The following SERPINF2 variants were observed in gnomAD, a reference collection of about 807,000 sequenced individuals.
SERPINF2 encodes alpha-2-antiplasmin.
SERPINF2 carries 15 observed loss-of-function variants against 45.0 expected under a neutral mutation model. The ratio of observed to expected loss-of-function variants is 0.33; its 90% CI spans 0.22 to 0.51. The LOEUF is 0.51. SERPINF2 is among the 20% of genes least tolerant of loss of function. The pLI is 0.97. For missense variants in SERPINF2, 518 were observed against 637.4 expected, an observed-to-expected ratio of 0.81 and a Z score of 2.02; for synonymous variants, 283 against 277.9, an observed-to-expected ratio of 1.02 and a Z score of -0.18.
In SERPINF2 at chr17:1,745,522, A is replaced by G; in HGVS notation, c.165+127A>G. 1 of 1,239,104 alleles carries G rather than the reference A, an allele frequency of 8.1e-7. No individual in the cohort carries two copies. Among genetic ancestry groups the G allele is most frequent in the Non-Finnish European group, 1.1e-6 (1 of 870,874 alleles). 76.8% of individuals were successfully genotyped at this position (1,239,104 alleles called of 1,614,324 possible). The stretch of plus-strand genomic sequence containing the variant: ...GGAGTCCAGAGGCCAGAAGGGAGAG[A>G]GGGTGGGGAGGACCGAAGGTGGGCG... On this transcript the variant is annotated intron_variant, in intron 4 of 9. Transcript: ENST00000453066. The surrounding 1 kb of genome is among the most constrained non-coding windows in gnomAD (Gnocchi z 6.2).
chr17:1,745,411 G>A lies in SERPINF2; in HGVS notation c.165+16G>A. ...GGGCAACCAGGTACAACCAGGTGGG[G>A]CTGGGGAAGAGTGGGCGGGGCTAGA... On this transcript the variant is annotated intron_variant, in intron 4 of 9. Coordinates refer to ENST00000453066, the MANE Select transcript of SERPINF2 (RefSeq NM_000934.4). This position sits in a 1 kb window ranked among gnomAD's most constrained non-coding sequence, Gnocchi z 6.2. 1 of 1,611,860 alleles carries A rather than the reference G, an allele frequency of 6.2e-7. No individual in the cohort carries two copies. The highest frequency in any genetic ancestry group is 8.5e-7 in the Non-Finnish European group (1 of 1,179,710).
Position 1,752,061 on chromosome 17 carries a change from C to CT in SERPINF2, c.859-518dup, listed in dbSNP as rs764445183. On this transcript the variant is annotated intron_variant, in intron 8 of 9. Transcript: ENST00000453066. ...ACACTGCTACAATGTTGTTTTTTTT[C>CT]TTTTTTTGAGACGGATTTTTACTCC... 6.6e-5 allele frequency among the ~76,000 whole-genome samples: 9 copies of CT among 136,822 alleles called. 4 individuals are homozygous for CT. The East Asian group carries it at 2.0e-3, about 31-fold the overall frequency. 89.8% of individuals were successfully genotyped at this position (136,822 alleles called of 152,430 possible). A position where few individuals can be genotyped will look rare whatever the true frequency, so the allele number is the denominator to read the frequency against.
Position 1,754,068 on chromosome 17 carries a change from A to T in SERPINF2, c.1064-54A>T, listed in dbSNP as rs1906621237. ...CTCAGACACCCTCCCAAGCAGCTCC[A>T]GGAGCCTGTGAGGCCAAGGGCAGCT... On this transcript the variant is annotated intron_variant, in intron 9 of 9. Coordinates refer to ENST00000453066, the MANE Select transcript of SERPINF2 (RefSeq NM_000934.4). 3.1e-6 allele frequency: 5 copies of T among 1,594,638 alleles called. No homozygotes were observed. The Admixed American group carries it at 8.3e-5, about 27-fold the overall frequency.
chr17:1,743,740 G>C (rs1002342229), intron 1 of SERPINF2, among the ~76,000 whole-genome samples: 2 of 120,064 alleles, frequency 1.7e-5, no homozygotes, highest in African/African-American at 6.6e-5. Flanking sequence ...AAAAAAAAAA[G>C]ACAGGCTAAA....
intron 9 of SERPINF2, among the ~76,000 whole-genome samples, chr17:1,753,752 C>T (rs534923419): frequency 1.8e-4 from 27 of 152,332 alleles, no homozygotes; most frequent in Admixed American, 7.2e-4. Flanking sequence ...TGCTAAGCAG[C>T]TGCTGTATTC....
At chr17:1,744,445 A>G in intron 1 of SERPINF2, 2 of 604,724 alleles carry the variant, frequency 3.3e-6, no homozygotes, top group Non-Finnish European at 4.1e-6. Context: ...GTGAGCCGAG[A>G]TCCTGCCACT....
chr17:1,744,299 CCTGA>C (rs1203985226), intron 1 of SERPINF2, among the ~76,000 whole-genome samples: 4 of 151,782 alleles, frequency 2.6e-5, no homozygotes, highest in Non-Finnish European at 5.9e-5. Flanking sequence ...TTAAGACCAG[CCTGA>C]CTAACACAGA....
chr17:1,745,971 C>T lies in SERPINF2; in HGVS notation c.367+62C>T, dbSNP rs1905783265. ...GGAGGCCAGTAGGAACTCAGTACTC[C>T]AATGGTTCTCCGCGGGCGGTTCCTC... is the stretch of plus-strand genomic sequence containing the variant. On this transcript the variant is annotated intron_variant, in intron 5 of 9. Coordinates refer to ENST00000453066, the MANE Select transcript of SERPINF2 (RefSeq NM_000934.4). This position sits in a 1 kb window ranked among gnomAD's most constrained non-coding sequence, Gnocchi z 6.2. The T allele has an allele frequency of 3.2e-6, 5 of 1,564,240 alleles. No homozygotes were observed. The highest frequency in any genetic ancestry group is 1.7e-5 in the Admixed American group (1 of 59,924).
At chr17:1,747,543 C>A (rs765557830) in intron 7 of SERPINF2, 31 bp downstream of exon 7, 7 of 1,606,220 alleles carry the variant, frequency 4.4e-6, no homozygotes, top group Non-Finnish European at 5.1e-6. Flanking sequence ...GATCCCCCAC[C>A]CTGTAGGCTG....
At position 1,747,491 on chromosome 17, in the gene SERPINF2, C is replaced by G; in HGVS notation, c.694C>G (p.Leu232Val). ...GCCGGAAGACACCGTGTTGCTTCTC[C>G]TCAACGCCATCCACTTCCAGGGTGC... ...GLPEDTVLLL[L>V]NAIHFQGFWR... The change falls in exon 7 of 10, where the codon CTC becomes GTC. Residue 232 changes from leucine (L) to valine (V), a missense_variant. Coordinates refer to ENST00000453066, the MANE Select transcript of SERPINF2 (RefSeq NM_000934.4). 2 of 1,614,070 alleles carry G rather than the reference C, an allele frequency of 1.2e-6. No individual in the cohort carries two copies. The highest frequency in any genetic ancestry group is 2.2e-5 in the South Asian group (2 of 91,064).
intron 8 of SERPINF2, among the ~76,000 whole-genome samples, chr17:1,750,567 C>T (rs1419390008): frequency 6.6e-6 from 1 of 152,104 alleles, no homozygotes; most frequent in Non-Finnish European, 1.5e-5. Flanking sequence ...GGATTATAGG[C>T]AGGAGCCACT....
chr17:1,745,379 T>G lies in SERPINF2; in HGVS notation c.149T>G (p.Leu50Arg), dbSNP rs1402810272. ...GAGCAGGTGTCCCCACTTACCCTCC[T>G]CAAGTTGGGCAACCAGGTACAACCA... ...NQEQVSPLTLLKLGNQEPGGQ... is the reference protein window; with the variant it reads ...NQEQVSPLTLRKLGNQEPGGQ... Residue 50 changes from leucine to arginine, a missense_variant, in exon 4 of 10, where the codon CTC becomes CGC. By Grantham distance (102) the Leu-to-Arg change is moderately radical. Transcript: ENST00000453066. This position sits in a 1 kb window ranked among gnomAD's most constrained non-coding sequence, Gnocchi z 6.2. 4 of 1,604,312 alleles carry G rather than the reference T, an allele frequency of 2.5e-6. No individual in the cohort carries two copies. The highest frequency in any genetic ancestry group is 3.4e-6 in the Non-Finnish European group (4 of 1,177,284).
intron 7 of SERPINF2, among the ~76,000 whole-genome samples, chr17:1,747,974 G>C (rs535342060): frequency 1.3e-5 from 2 of 151,666 alleles, no homozygotes; most frequent in East Asian, 3.9e-4. Flanking sequence ...AGTTGTTCTA[G>C]AGTGAATACC....
At chr17:1,746,628 T>C (rs1948637025) in intron 5 of SERPINF2, among the ~76,000 whole-genome samples, 1 of 152,012 alleles carries the variant, frequency 6.6e-6, no homozygotes, top group Admixed American at 6.6e-5. Flanking sequence ...GGTTTCACCA[T>C]GTTGGCCAGG....
intron 1 of SERPINF2, chr17:1,744,457 C>T (rs889334754): frequency 2.7e-6 from 2 of 728,902 alleles, no homozygotes; most frequent in Non-Finnish European, 1.7e-6. Context: ...CCTGCCACTG[C>T]ACTCCAGCCT....
At chr17:1,742,985 T>C (rs1359233707) in intron 1 of SERPINF2, 77 bp downstream of exon 1, 2 of 985,310 alleles carry the variant, frequency 2.0e-6, no homozygotes, top group Non-Finnish European at 2.4e-6. Context: ...CTGAGGGGTC[T>C]GGGATTTATT....
chr17:1,743,048 G>T, intron 1 of SERPINF2, 140 bp downstream of exon 1: 1 of 985,318 alleles, frequency 1.0e-6, no homozygotes, highest in Non-Finnish European at 1.2e-6. Context: ...ACTGGAGCCT[G>T]TTCTTGGCAA....
Position 1,745,946 on chromosome 17 carries a change from G to C in SERPINF2, c.367+37G>C. Reference sequence around the variant, plus strand: ...CCACTTGTCCAGACCAAGAGAGCTGGGAGGCCAGTAGGAACTCAGTACTCC... The same window carrying C: ...CCACTTGTCCAGACCAAGAGAGCTGCGAGGCCAGTAGGAACTCAGTACTCC... On this transcript the variant is annotated intron_variant, in intron 5 of 9. Transcript: ENST00000453066. This position sits in a 1 kb window ranked among gnomAD's most constrained non-coding sequence, Gnocchi z 6.2. The C allele has an allele frequency of 6.5e-7, 1 of 1,547,944 alleles. No homozygotes were observed.
chr17:1,748,585 T>C lies in SERPINF2; in HGVS notation c.716-13T>C. 6.2e-7 allele frequency: 1 copy of C among 1,612,828 alleles called. No individual in the cohort carries two copies. Among genetic ancestry groups the C allele is most frequent in the Non-Finnish European group, 8.5e-7 (1 of 1,180,002 alleles). On this transcript the variant is annotated splice_polypyrimidine_tract_variant and intron_variant, in intron 7 of 9. Coordinates refer to ENST00000453066, the MANE Select transcript of SERPINF2 (RefSeq NM_000934.4). Reference sequence around the variant, plus strand: ...CCCCGTCGACGTGACCCCTGCCCTCTGCTGGGTTTCAGGTTTCTGGAGGAA... The same window carrying C: ...CCCCGTCGACGTGACCCCTGCCCTCCGCTGGGTTTCAGGTTTCTGGAGGAA...
Sources: gnomAD v4.1 joint callset for allele counts (sites outside exome capture counted in the v4.1 genomes callset) on GRCh38, gnomAD v4.1.1 for gene constraint, Gnocchi (gnomAD v3.1) non-coding constraint, MANE v1.5 for transcripts, NCBI Gene and HGNC (gene_info 2026-07-23, HGNC 2026-07-21) for gene names.